MYBL1: variants seen among roughly 807,000 people sequenced by gnomAD.
MYBL1 encodes MYB proto-oncogene like 1, also known as myb-related protein A.
MYBL1 carries 17 observed loss-of-function variants against 96.3 expected under a neutral mutation model. The ratio of observed to expected loss-of-function variants is 0.18; its 90% confidence interval spans 0.12 to 0.26. The LOEUF (loss-of-function observed/expected upper bound fraction) is 0.26, where lower values mean the gene tolerates loss of function less well. Among genes scored for constraint, MYBL1 ranks in the 10% least tolerant of loss-of-function variants. The pLI is 1.00. For missense variants in MYBL1, 701 were observed against 882.9 expected (o/e 0.79, Z 2.61); for synonymous variants, 282 against 292.7 (o/e 0.96, Z 0.37).
chr8:66,586,042 G>GTTTTTT (rs578179482), intron 8 of MYBL1, among the ~76,000 whole-genome samples: 1 of 105,828 alleles, frequency 9.4e-6, no homozygotes, highest in Non-Finnish European at 2.0e-5. Flanking sequence ...GTTTTTTGGT[G>GTTTTTT]TTTTTTTTTT....
intron 10 of MYBL1, among the ~76,000 whole-genome samples, chr8:66,574,994 C>T (rs1482405418): frequency 6.6e-6 from 1 of 151,836 alleles, no homozygotes; most frequent in Non-Finnish European, 1.5e-5. Flanking sequence ...GCGGAGGTTG[C>T]GGTGAGCCGA....
chr8:66,585,457 A>G (rs140901848), intron 8 of MYBL1, among the ~76,000 whole-genome samples: 6 of 152,302 alleles, frequency 3.9e-5, no homozygotes, highest in African/African-American at 1.4e-4. Context: ...GAAAACATAA[A>G]GGCTGGGCAC....
intron 1 of MYBL1, among the ~76,000 whole-genome samples, chr8:66,608,723 G>A (rs933094825): frequency 1.3e-5 from 2 of 152,056 alleles, no homozygotes; most frequent in Non-Finnish European, 2.9e-5. Flanking sequence ...TGACATTTCT[G>A]TATTATAACA....
At chr8:66,577,831 C>T (rs1809027609) in intron 9 of MYBL1, among the ~76,000 whole-genome samples, 1 of 152,198 alleles carries the variant, frequency 6.6e-6, no homozygotes, top group Admixed American at 6.5e-5. Context: ...TCAAACTATA[C>T]TACAAGGCTA....
intron 1 of MYBL1, chr8:66,612,405 CTG>C (rs1312293819): frequency 2.5e-5 from 5 of 200,222 alleles, no homozygotes; most frequent in African/African-American, 1.2e-4. Context: ...CCTATTTTGA[CTG>C]TACCGTCATT....
rs995606110 is a variant in MYBL1, at chr8:66,563,905, T to C, written c.*792A>G. 3 of 152,362 alleles carry C rather than the reference T, an allele frequency of 2.0e-5. No homozygotes were observed. Among genetic ancestry groups the C allele is most frequent in the East Asian group, 3.8e-4 (2 of 5,200 alleles). 9.4% of individuals were successfully genotyped at this position (152,362 alleles called of 1,614,324 possible). On this transcript the variant is annotated 3_prime_UTR_variant, in exon 16 of 16. Transcript: ENST00000522677. Reference sequence around the variant, plus strand: ...TTAGCTGTAATAACAGGAAACAACATTGGCTTCTAGGCACCCTGTATACGT... The same window carrying C: ...TTAGCTGTAATAACAGGAAACAACACTGGCTTCTAGGCACCCTGTATACGT...
At chr8:66,570,951 G>A (rs910247864) in intron 12 of MYBL1, among the ~76,000 whole-genome samples, 1 of 152,004 alleles carries the variant, frequency 6.6e-6, no homozygotes, top group Non-Finnish European at 1.5e-5. Context: ...AAAAAGACTT[G>A]ATCAACCCTA....
chr8:66,605,913 A>T (rs1458398866), intron 1 of MYBL1, among the ~76,000 whole-genome samples: 1 of 152,234 alleles, frequency 6.6e-6, no homozygotes, highest in Non-Finnish European at 1.5e-5. Context: ...CCATTTATTT[A>T]AAACTTTCTA....
At chr8:66,605,167 A>G (rs1033683556) in intron 1 of MYBL1, among the ~76,000 whole-genome samples, 19 of 152,228 alleles carry the variant, frequency 1.2e-4, no homozygotes, top group Admixed American at 5.2e-4. Context: ...AATGTTTTAC[A>G]TATTTTTTTC....
chr8:66,576,915 G>A (rs1808977431), intron 9 of MYBL1, among the ~76,000 whole-genome samples: 1 of 152,078 alleles, frequency 6.6e-6, no homozygotes, highest in African/African-American at 2.4e-5. Context: ...ATGCAAGGCT[G>A]GTTCAATATA....
At chr8:66,592,886 C>T (rs1308631070) in intron 7 of MYBL1, among the ~76,000 whole-genome samples, 1 of 152,114 alleles carries the variant, frequency 6.6e-6, no homozygotes, top group Non-Finnish European at 1.5e-5. Context: ...AACTTGAATG[C>T]TTTACCTTGA....
chr8:66,580,516 G>T, intron 8 of MYBL1, 150 bp from the exon 9 acceptor site: 1 of 588,424 alleles, frequency 1.7e-6, no homozygotes. Flanking sequence ...TAAACTTCAT[G>T]CTTTGACTAT....
intron 4 of MYBL1, among the ~76,000 whole-genome samples, chr8:66,597,790 A>C (rs1338356020): frequency 1.4e-5 from 2 of 144,410 alleles, no homozygotes; most frequent in East Asian, 4.3e-4. Context: ...TTCACACCCT[A>C]TTAATTTGAA....
intron 1 of MYBL1, chr8:66,612,575 C>T (rs1043139376): frequency 9.9e-6 from 4 of 405,638 alleles, no homozygotes; most frequent in Non-Finnish European, 1.7e-5. Flanking sequence ...ACGCGCATTA[C>T]GGGGAGAGTC....
At chr8:66,569,331 C>T (rs926362165) in intron 12 of MYBL1, among the ~76,000 whole-genome samples, 4 of 150,772 alleles carry the variant, frequency 2.7e-5, no homozygotes, top group Admixed American at 6.6e-5. Context: ...GCATACGTAC[C>T]GCATTTTCTT....
chr8:66,593,504 C>T (rs201414019), intron 6 of MYBL1, among the ~76,000 whole-genome samples: 2 of 152,108 alleles, frequency 1.3e-5, no homozygotes, highest in African/African-American at 4.8e-5. Context: ...ATTTAAACAT[C>T]TACTATTAGA....
At chr8:66,599,211 G>A (rs1425539282) in intron 3 of MYBL1, 69 bp from the exon 4 acceptor site, 6 of 984,006 alleles carry the variant, frequency 6.1e-6, no homozygotes, top group East Asian at 2.7e-5. Flanking sequence ...CCGAATTTAT[G>A]TCTCACATCC....
intron 1 of MYBL1, among the ~76,000 whole-genome samples, chr8:66,607,703 A>C (rs1225650864): frequency 6.6e-6 from 1 of 151,892 alleles, no homozygotes; most frequent in African/African-American, 2.4e-5. Flanking sequence ...AAAACCCAAA[A>C]AAAAAAAAAA....
chr8:66,605,587 G>A (rs1411300065), intron 1 of MYBL1, among the ~76,000 whole-genome samples: 1 of 152,178 alleles, frequency 6.6e-6, no homozygotes, highest in African/African-American at 2.4e-5. Flanking sequence ...TTGGGAGGCT[G>A]AGGCAGGCGG....
Sources: gnomAD v4.1 joint callset for allele counts (sites outside exome capture counted in the v4.1 genomes callset) on GRCh38, gnomAD v4.1.1 for gene constraint, MANE v1.5 for transcripts, NCBI Gene and HGNC (gene_info 2026-07-23, HGNC 2026-07-21) for gene names.